Variants in YPEL1 observed in about 807,000 individuals in gnomAD.
The protein encoded by YPEL1 is yippee like 1.
YPEL1 carries 7 observed loss-of-function variants against 17.3 expected under a neutral mutation model. The observed-to-expected ratio is 0.40, with a 90% CI of 0.23 to 0.76. The LOEUF (loss-of-function observed/expected upper bound fraction) is 0.76. Ranked by LOEUF, YPEL1 falls within the 30% of genes least tolerant of loss-of-function variation. The probability of loss-of-function intolerance (pLI) is 0.35; values close to 1 mark genes in which losing one functional copy is unlikely to be tolerated. For synonymous variants in YPEL1, 59 were observed against 59.6 expected, an observed-to-expected ratio of 0.99 and a Z score of 0.05; for missense variants, 91 against 155.5, an observed-to-expected ratio of 0.59 and a Z score of 2.21.
intron 1 of YPEL1, among the ~76,000 whole-genome samples, chr22:21,728,475 G>A (rs1486341121): frequency 2.0e-5 from 3 of 152,154 alleles, no homozygotes; most frequent in Admixed American, 1.3e-4. Context: ...AGAATCGCAC[G>A]ATTAACAGCA....
intron 1 of YPEL1, among the ~76,000 whole-genome samples, chr22:21,711,801 G>A (rs1257621232): frequency 1.3e-5 from 2 of 152,196 alleles, no homozygotes. Context: ...CATGACATTG[G>A]ATGTGGCAAT....
intron 1 of YPEL1, among the ~76,000 whole-genome samples, chr22:21,727,725 G>T (rs2068348561): frequency 6.6e-6 from 1 of 152,192 alleles, no homozygotes; most frequent in Non-Finnish European, 1.5e-5. Flanking sequence ...GCAGACTGGG[G>T]TGCCCCCTTC....
intron 2 of YPEL1, among the ~76,000 whole-genome samples, chr22:21,707,813 C>A (rs917274695): frequency 3.3e-5 from 5 of 152,138 alleles, no homozygotes; most frequent in Non-Finnish European, 4.4e-5. Context: ...TAAATTAGGG[C>A]CAGGAGATAA....
chr22:21,713,235 A>T (rs1300135027), intron 1 of YPEL1, among the ~76,000 whole-genome samples: 1 of 152,214 alleles, frequency 6.6e-6, no homozygotes, highest in Non-Finnish European at 1.5e-5. Flanking sequence ...TAGAATTACC[A>T]TGGGCTCCAG....
chr22:21,721,649 C>G (rs2068285202), intron 1 of YPEL1, among the ~76,000 whole-genome samples: 1 of 152,190 alleles, frequency 6.6e-6, no homozygotes, highest in African/African-American at 2.4e-5. Context: ...GTCTCCAACT[C>G]CTGACCTCAA....
At position 21,716,252 on chromosome 22, in the gene YPEL1, G is replaced by C. The variant is rs531831356; in HGVS notation, c.-164-5344C>G. Among the ~76,000 whole-genome samples, 4 of 152,318 alleles carry C rather than the reference G, an allele frequency of 2.6e-5. No homozygotes were observed. The South Asian group carries it at 8.3e-4, about 32-fold the overall frequency. ...AAAAGAGGTGACTTAAGATTTCATA[G>C]AAACCAACTTTTTGTAAAACTATGA... On this transcript the variant is annotated intron_variant, in intron 1 of 4. Transcript: ENST00000339468.
intron 1 of YPEL1, 111 bp from the exon 2 acceptor site, chr22:21,711,019 G>T: frequency 2.8e-6 from 1 of 360,010 alleles, no homozygotes; most frequent in Non-Finnish European, 5.2e-6. Context: ...GGGGTGGCAG[G>T]ACTAGAATTT....
chr22:21,712,380 A>AC (rs1569060853), intron 1 of YPEL1, among the ~76,000 whole-genome samples: 1 of 151,206 alleles, frequency 6.6e-6, no homozygotes, highest in Non-Finnish European at 1.5e-5. Context: ...AAAAAAAAAA[A>AC]AAAAACAACT....
At position 21,698,446 on chromosome 22, in the gene YPEL1, T is replaced by C. The variant is rs2068022321; in HGVS notation, c.*2683A>G. The C allele has an allele frequency of 6.6e-6, 1 of 152,302 alleles. No individual in the cohort carries two copies. The highest frequency in any genetic ancestry group is 2.1e-4 in the South Asian group (1 of 4,834). 9.4% of individuals were successfully genotyped at this position (152,302 alleles called of 1,614,324 possible). ...AACCACTCGGTAGAGTTTTAGAAGT[T>C]TCTTCCATGTAAGTGAAGCATCTTG... On this transcript the variant is annotated 3_prime_UTR_variant, in exon 5 of 5. Transcript: ENST00000339468.
intron 1 of YPEL1, among the ~76,000 whole-genome samples, chr22:21,717,389 A>C (rs538926869): frequency 5.9e-4 from 90 of 152,044 alleles, no homozygotes; most frequent in African/African-American, 1.9e-3. Flanking sequence ...AAAAAAAAAA[A>C]AAACAAAAAA....
intron 1 of YPEL1, among the ~76,000 whole-genome samples, chr22:21,715,487 C>T (rs1398688213): frequency 6.6e-6 from 1 of 151,768 alleles, no homozygotes; most frequent in Non-Finnish European, 1.5e-5. Flanking sequence ...AGTGAGACTC[C>T]ATCTCAAGAA....
intron 1 of YPEL1, among the ~76,000 whole-genome samples, chr22:21,714,410 G>A (rs970498398): frequency 1.6e-4 from 24 of 152,152 alleles, no homozygotes; most frequent in African/African-American, 5.3e-4. Context: ...ACACTGCTGC[G>A]TGTTCCGTGT....
intron 1 of YPEL1, among the ~76,000 whole-genome samples, chr22:21,714,326 C>T (rs952288334): frequency 6.6e-6 from 1 of 152,234 alleles, no homozygotes; most frequent in Non-Finnish European, 1.5e-5. Context: ...GCCTGAGATG[C>T]TGCCTAACTT....
rs1569056925 is a variant in YPEL1, at chr22:21,701,231, G to A, written c.271-13C>T. The A allele has an allele frequency of 1.2e-6, 2 of 1,606,810 alleles. No homozygotes were observed. Among genetic ancestry groups the A allele is most frequent in the Non-Finnish European group, 1.7e-6 (2 of 1,174,038 alleles). On this transcript the variant is annotated splice_polypyrimidine_tract_variant and intron_variant, in intron 4 of 4. Transcript: ENST00000339468. ...CAAAGGCATGCTCCTTGAAAAAGAA[G>A]AGACAAAGGTTTCAGGACAGAAGGT...
At chr22:21,730,184 A>G in intron 1 of YPEL1, among the ~76,000 whole-genome samples, 1 of 152,058 alleles carries the variant, frequency 6.6e-6, no homozygotes, top group East Asian at 1.9e-4. Context: ...AAGTTTAACC[A>G]AAAGAGACTG....
At chr22:21,731,607 C>G (rs568867219) in intron 1 of YPEL1, among the ~76,000 whole-genome samples, 1 of 149,010 alleles carries the variant, frequency 6.7e-6, no homozygotes, top group African/African-American at 2.5e-5. Flanking sequence ...GTTTGGGTGG[C>G]GGGGGTATAT....
intron 1 of YPEL1, among the ~76,000 whole-genome samples, chr22:21,726,094 G>A (rs1476021142): frequency 1.3e-5 from 2 of 152,150 alleles, no homozygotes; most frequent in Non-Finnish European, 2.9e-5. Context: ...GAGTCTCTGC[G>A]GGCAGGGGCC....
At chr22:21,717,330 T>C (rs536454380) in intron 1 of YPEL1, among the ~76,000 whole-genome samples, 5 of 146,690 alleles carry the variant, frequency 3.4e-5, no homozygotes, top group East Asian at 4.0e-4. Context: ...GAGCTGAGAT[T>C]GCGCCACTGC....
intron 1 of YPEL1, among the ~76,000 whole-genome samples, chr22:21,724,564 ATTT>A (rs147417066): frequency 2.4e-5 from 3 of 124,656 alleles, no homozygotes; most frequent in Admixed American, 1.8e-4. Context: ...TCATTAAAAA[ATTT>A]TTTTCTTTTT....
Sources: gnomAD v4.1 joint callset for allele counts (sites outside exome capture counted in the v4.1 genomes callset) on GRCh38, gnomAD v4.1.1 for gene constraint, MANE v1.5 for transcripts, NCBI Gene and HGNC (gene_info 2026-07-23, HGNC 2026-07-21) for gene names.